The following KLK8 variants were observed in gnomAD, a reference collection of about 807,000 sequenced individuals.
The protein encoded by KLK8 is kallikrein-8.
A neutral mutation model predicts 26.7 loss-of-function variants in KLK8; 18 were observed. That is an observed-to-expected ratio of 0.67 (90% CI 0.47 to 1.00). The LOEUF is 1.00. Ranked by LOEUF, KLK8 falls within the 50% of genes least tolerant of loss-of-function variation. The pLI is 0.00. For synonymous variants in KLK8, 137 were observed against 127.1 expected (o/e 1.08, Z -0.52); for missense variants, 301 against 331.7 (o/e 0.91, Z 0.72).
At chr19:50,998,305 A>C (rs1485312794) in intron 5 of KLK8, among the ~76,000 whole-genome samples, 1 of 152,138 alleles carries the variant, frequency 6.6e-6, no homozygotes, top group Non-Finnish European at 1.5e-5. Flanking sequence ...CTCGAATTAA[A>C]AAATACCATC....
Position 50,998,190 on chromosome 19 carries a change from A to G in KLK8, c.494-306T>C, listed in dbSNP as rs55917339. On this transcript the variant is annotated intron_variant, in intron 5 of 6. Coordinates refer to ENST00000600767, the Ensembl canonical transcript of KLK8. Reference sequence around the variant, plus strand: ...GAGGTGCCCCTTTATGATACCTCTGACCCTCTCTTTCCAGTCTTCCTGCCC... The same window carrying G: ...GAGGTGCCCCTTTATGATACCTCTGGCCCTCTCTTTCCAGTCTTCCTGCCC... Among the ~76,000 whole-genome samples, 32 of 151,856 alleles carry G rather than the reference A, an allele frequency of 2.1e-4. No individual in the cohort carries two copies. In the East Asian group the frequency reaches 5.8e-3, roughly 28 times the overall value.
At chr19:50,997,721 G>A (rs1299747735) in intron 6 of KLK8, 30 bp downstream of exon 5, 1 of 1,612,090 alleles carries the variant, frequency 6.2e-7, no homozygotes, top group Non-Finnish European at 8.5e-7. Context: ...TGAGGGATGT[G>A]TGAGGAGAAG....
At chr19:51,001,037 C>A in intron 3 of KLK8, 61 bp downstream of exon 2, 2 of 1,474,664 alleles carry the variant, frequency 1.4e-6, no homozygotes, top group East Asian at 2.3e-5. Flanking sequence ...CCCACAGACT[C>A]CCCAGCGCCA....
At chr19:50,997,962 C>A in intron 5 of KLK8, 78 bp from the exon 5 acceptor site, 2 of 1,571,176 alleles carry the variant, frequency 1.3e-6, no homozygotes, top group Non-Finnish European at 1.7e-6. Context: ...AACCCCCTTT[C>A]TTTCCAGGAT....
chr19:51,000,963 G>T (rs2091218875), intron 3 of KLK8, 135 bp downstream of exon 2: 1 of 882,914 alleles, frequency 1.1e-6, no homozygotes, highest in Non-Finnish European at 1.7e-6. Context: ...GCCCACAGAG[G>T]CTCCTGCACC....
chr19:50,997,942 G>C (rs1272076294), intron 5 of KLK8, 58 bp from the exon 5 acceptor site: 2 of 1,602,060 alleles, frequency 1.2e-6, no homozygotes, highest in Non-Finnish European at 1.7e-6. Flanking sequence ...CTCCATCCCT[G>C]TCTGGATCTA....
intron 5 of KLK8, among the ~76,000 whole-genome samples, chr19:50,998,595 G>A (rs2122321472): frequency 6.6e-6 from 1 of 152,266 alleles, no homozygotes; most frequent in South Asian, 2.1e-4. Context: ...CTTCTCCAAA[G>A]CCTCTTTGAG....
chr19:50,997,603 T>C, intron 6 of KLK8, 148 bp downstream of exon 5: 1 of 886,242 alleles, frequency 1.1e-6, no homozygotes, highest in South Asian at 1.7e-5. Context: ...TCTCTGAACC[T>C]GGCTCCCAAT....
At chr19:51,000,656 T>A in intron 3 of KLK8, 73 bp from the exon 3 acceptor site, 3 of 1,588,144 alleles carry the variant, frequency 1.9e-6, no homozygotes, top group Non-Finnish European at 2.6e-6. Context: ...CACTGTGGGT[T>A]CAAATGGACA....
chr19:50,997,906 G>A, intron 5 of KLK8, 22 bp from the exon 5 acceptor site: 1 of 1,613,362 alleles, frequency 6.2e-7, no homozygotes, highest in South Asian at 1.1e-5. Context: ...GAGGTTGTAA[G>A]GTTCCCTGAG....
chr19:50,999,976 T>C lies in KLK8; in HGVS notation c.493+20A>G. On this transcript the variant is annotated intron_variant, in intron 5 of 6. Coordinates refer to ENST00000600767, the Ensembl canonical transcript of KLK8. The stretch of plus-strand genomic sequence containing the variant: ...CAACCAGCTCCTCCTCTCCCTCCCA[T>C]TAGTGGACAAGCCCACTACCTCGGG... 1 of 1,574,046 alleles carries C rather than the reference T, an allele frequency of 6.4e-7. No individual in the cohort carries two copies. Among genetic ancestry groups the C allele is most frequent in the Non-Finnish European group, 8.7e-7 (1 of 1,151,524 alleles).
exon 5 of KLK8, chr19:51,000,029 C>T (rs16988799): frequency 0.054 from 87,011 of 1,607,458 alleles, 2,715 homozygotes; most frequent in African/African-American, 0.1. Context: ...CAGCCTGAGA[C>T]GGTGCACTTC....
At chr19:51,000,553 A>G (rs1170488660) in exon 4 of KLK8, 2 of 1,614,094 alleles carry the variant, frequency 1.2e-6, no homozygotes, top group Admixed American at 1.7e-5. Flanking sequence ...ATGACCCCCC[A>G]GCACCTTGTC....
chr19:50,996,161 G>A (rs1456364745), exon 7 of KLK8: 1 of 1,614,224 alleles, frequency 6.2e-7, no homozygotes, highest in Non-Finnish European at 8.5e-7. Flanking sequence ...CTGAGCCCCA[G>A]GATGTGATGC....
At chr19:50,999,483 G>A (rs1340330079) in intron 5 of KLK8, among the ~76,000 whole-genome samples, 1 of 149,250 alleles carries the variant, frequency 6.7e-6, no homozygotes, top group African/African-American at 2.5e-5. Flanking sequence ...GGAGGCTGAG[G>A]TTCGAGAATC....
intron 5 of KLK8, 133 bp from the exon 5 acceptor site, chr19:50,998,017 T>C (rs1252750597): frequency 9.4e-7 from 1 of 1,067,656 alleles, no homozygotes; most frequent in African/African-American, 1.6e-5. Context: ...TTTCTGACAC[T>C]GTGCACAGGG....
rs1338334196 is a variant in KLK8 at position 50,999,954 on chromosome 19, C to G, written c.493+42G>C. On this transcript the variant is annotated intron_variant, in intron 5 of 6. Transcript: ENST00000600767. ...AATAGCTTGGGTTCCACTGGGCCAA[C>G]CAGCTCCTCCTCTCCCTCCCATTAG... The G allele has an allele frequency of 6.4e-6, 10 of 1,551,836 alleles. No individual in the cohort carries two copies. The East Asian group carries it at 2.3e-4, about 35-fold the overall frequency.
intron 6 of KLK8, among the ~76,000 whole-genome samples, 195 bp downstream of exon 5, chr19:50,997,556 C>T (rs2091181560): frequency 6.6e-6 from 1 of 152,140 alleles, no homozygotes; most frequent in Non-Finnish European, 1.5e-5. Flanking sequence ...TGCTCCTAAT[C>T]CCTATGCAGT....
At chr19:50,996,433 G>T (rs145110862) in intron 6 of KLK8, among the ~76,000 whole-genome samples, 2 of 151,852 alleles carry the variant, frequency 1.3e-5, no homozygotes, top group Non-Finnish European at 3.0e-5. Flanking sequence ...TGACAGAAGA[G>T]GGGAAAGAAT....
Sources: gnomAD v4.1 joint callset for allele counts (sites outside exome capture counted in the v4.1 genomes callset) on GRCh38, gnomAD v4.1.1 for gene constraint, MANE v1.5 for transcripts, NCBI Gene and HGNC (gene_info 2026-07-23, HGNC 2026-07-21) for gene names.